Variants in ATF6 observed in about 807,000 individuals in gnomAD.
ATF6 encodes the protein cyclic AMP-dependent transcription factor ATF-6 alpha.
A neutral mutation model predicts 83.6 loss-of-function variants in ATF6; 53 were observed. The ratio of observed to expected loss-of-function variants is 0.63; its 90% CI spans 0.51 to 0.80. The LOEUF is 0.80. ATF6 is among the 30% of genes least tolerant of loss of function. The probability of loss-of-function intolerance (pLI) is 0.00; values close to 1 mark genes in which losing one functional copy is unlikely to be tolerated. For synonymous variants in ATF6, 288 were observed against 285.8 expected (o/e 1.01, Z -0.08); for missense variants, 744 against 797.9 (o/e 0.93, Z 0.81).
intron 15 of ATF6, among the ~76,000 whole-genome samples, chr1:161,923,955 A>G (rs1688261926): frequency 6.6e-6 from 1 of 152,238 alleles, no homozygotes; most frequent in Non-Finnish European, 1.5e-5. Flanking sequence ...TACTTAAGCC[A>G]ACAGAGTTGG....
intron 7 of ATF6, among the ~76,000 whole-genome samples, chr1:161,808,650 A>G (rs77662969): frequency 0.013 from 1,970 of 151,920 alleles, 47 homozygotes; most frequent in African/African-American, 0.044. Context: ...ATAGCTCACT[A>G]TTGCCTTAAA....
chr1:161,840,691 T>C (rs1470281091), intron 9 of ATF6, among the ~76,000 whole-genome samples: 2 of 152,190 alleles, frequency 1.3e-5, no homozygotes, highest in African/African-American at 2.4e-5. Context: ...ACAATTCTTA[T>C]AATACTTTTT....
chr1:161,797,054 A>C (rs1268139129), intron 6 of ATF6, among the ~76,000 whole-genome samples: 1 of 151,892 alleles, frequency 6.6e-6, no homozygotes, highest in East Asian at 1.9e-4. Flanking sequence ...TTATTTGCGT[A>C]TTTGGCCTAA....
chr1:161,820,712 C>T (rs1029355697), intron 8 of ATF6, among the ~76,000 whole-genome samples: 2 of 152,136 alleles, frequency 1.3e-5, no homozygotes, highest in African/African-American at 4.8e-5. Flanking sequence ...GATGCCACTG[C>T]ACTCCAGCTT....
At chr1:161,837,660 T>A in intron 9 of ATF6, among the ~76,000 whole-genome samples, 1 of 150,898 alleles carries the variant, frequency 6.6e-6, no homozygotes. Flanking sequence ...GAGAGATAAA[T>A]GGAAATAAGG....
intron 14 of ATF6, among the ~76,000 whole-genome samples, chr1:161,866,897 G>A (rs1202216402): frequency 6.6e-6 from 1 of 152,136 alleles, no homozygotes. Context: ...ACAGGAGAGT[G>A]CCACCACATC....
At chr1:161,882,910 CT>C (rs1166559740) in intron 14 of ATF6, among the ~76,000 whole-genome samples, 2 of 151,816 alleles carry the variant, frequency 1.3e-5, no homozygotes, top group Admixed American at 1.3e-4. Context: ...ATGTATACTT[CT>C]TTATCATCAG....
intron 14 of ATF6, among the ~76,000 whole-genome samples, chr1:161,885,290 A>G (rs1285137033): frequency 6.6e-6 from 1 of 152,220 alleles, no homozygotes; most frequent in Admixed American, 6.5e-5. Flanking sequence ...CAGAGCCAGC[A>G]TCACCCCATT....
intron 6 of ATF6, among the ~76,000 whole-genome samples, chr1:161,794,591 G>T (rs1684966483): frequency 6.6e-6 from 1 of 152,154 alleles, no homozygotes; most frequent in South Asian, 2.1e-4. Flanking sequence ...TGGGATTAAG[G>T]CGTGAGCCAC....
At chr1:161,857,685 A>G (rs1306736091) in intron 12 of ATF6, among the ~76,000 whole-genome samples, 1 of 152,148 alleles carries the variant, frequency 6.6e-6, no homozygotes, top group East Asian at 1.9e-4. Flanking sequence ...AAAAGAAACT[A>G]TATTTATCTT....
chr1:161,907,554 C>G (rs908998014), intron 14 of ATF6, among the ~76,000 whole-genome samples: 15 of 152,134 alleles, frequency 9.9e-5, no homozygotes, highest in Non-Finnish European at 1.9e-4. Context: ...GAGTTTCATT[C>G]ATTTCTAGGG....
chr1:161,805,780 C>G (rs1464752663), intron 7 of ATF6, among the ~76,000 whole-genome samples: 1 of 148,402 alleles, frequency 6.7e-6, no homozygotes, highest in East Asian at 2.0e-4. Context: ...GCCTTTAAAC[C>G]AAAAGTATGG....
chr1:161,835,622 T>C (rs1686195037), intron 9 of ATF6, among the ~76,000 whole-genome samples: 1 of 152,196 alleles, frequency 6.6e-6, no homozygotes, highest in Non-Finnish European at 1.5e-5. Flanking sequence ...TAAGATAATG[T>C]ACGTAAGGGA....
At chr1:161,778,393 C>A in intron 2 of ATF6, 73 bp downstream of exon 2, 4 of 1,203,776 alleles carry the variant, frequency 3.3e-6, no homozygotes, top group Non-Finnish European at 4.9e-6. Context: ...AGTTTCAGGA[C>A]AACAGGTTCA....
intron 14 of ATF6, among the ~76,000 whole-genome samples, chr1:161,904,748 T>G (rs1687851095): frequency 6.6e-6 from 1 of 152,186 alleles, no homozygotes; most frequent in South Asian, 2.1e-4. Flanking sequence ...AAGTGAACTC[T>G]TCTAGATTGT....
chr1:161,786,713 G>A (rs897443203), intron 4 of ATF6, among the ~76,000 whole-genome samples: 2 of 152,118 alleles, frequency 1.3e-5, no homozygotes, highest in Admixed American at 6.5e-5. Flanking sequence ...CAATACTTTA[G>A]TGTCTACTTC....
intron 14 of ATF6, among the ~76,000 whole-genome samples, chr1:161,909,121 A>G (rs1687935683): frequency 6.6e-6 from 1 of 152,236 alleles, no homozygotes; most frequent in Admixed American, 6.5e-5. Context: ...TAGATAAATT[A>G]TAAGTTTATT....
intron 9 of ATF6, among the ~76,000 whole-genome samples, chr1:161,839,242 G>A (rs1295629338): frequency 6.6e-6 from 1 of 152,212 alleles, no homozygotes; most frequent in African/African-American, 2.4e-5. Flanking sequence ...AACAAGAAGA[G>A]AGACAATAAA....
chr1:161,876,877 C>G (rs1427542765), intron 14 of ATF6, among the ~76,000 whole-genome samples: 1 of 151,668 alleles, frequency 6.6e-6, no homozygotes, highest in Non-Finnish European at 1.5e-5. Flanking sequence ...GTCTTTTAAG[C>G]CAGCAATTCA....
Sources: allele counts gnomAD v4.1 joint callset (sites outside exome capture counted in the v4.1 genomes callset), GRCh38; gene constraint gnomAD v4.1.1; transcripts MANE v1.5; gene names NCBI Gene and HGNC (gene_info 2026-07-23, HGNC 2026-07-21).